Variants in TTC19 observed in about 807,000 individuals in gnomAD.
The protein encoded by TTC19 is tetratricopeptide repeat protein 19, mitochondrial.
Under a neutral mutation model 49.5 loss-of-function variants are expected in TTC19, and 38 were observed. That is an observed-to-expected ratio of 0.77 (90% CI 0.59 to 1.01). TTC19 has a LOEUF of 1.01. Ranked by LOEUF, TTC19 falls within the 50% of genes least tolerant of loss-of-function variation. The pLI is 0.00. For missense variants in TTC19, 475 were observed against 477.7 expected (o/e 0.99, Z 0.05); for synonymous variants, 204 against 185.2 (o/e 1.10, Z -0.83).
intron 7 of TTC19, among the ~76,000 whole-genome samples, chr17:16,011,433 C>A (rs1293069369): frequency 2.6e-5 from 4 of 152,110 alleles, no homozygotes; most frequent in African/African-American, 9.7e-5. Context: ...CCAGCCTCCC[C>A]AAGTGTTGGG....
At chr17:16,037,056 C>T (rs1406209866) in intron 2 of TTC19, among the ~76,000 whole-genome samples, 1 of 152,170 alleles carries the variant, frequency 6.6e-6, no homozygotes, top group Non-Finnish European at 1.5e-5. Context: ...CACTTGAACA[C>T]TTAGAAGCCA....
intron 2 of TTC19, chr17:16,039,854 G>A (rs534378079): frequency 2.7e-5 from 14 of 527,002 alleles, no homozygotes; most frequent in South Asian, 1.2e-4. Flanking sequence ...GCAGTGGCGC[G>A]ATCTTGGCTC....
chr17:16,040,882 T>A, intron 2 of TTC19: 1 of 187,726 alleles, frequency 5.3e-6, no homozygotes, highest in Non-Finnish European at 1.1e-5. Context: ...CAAAAATAAA[T>A]AAATAAATAA....
chr17:16,007,712 C>T (rs950221468), intron 7 of TTC19, among the ~76,000 whole-genome samples: 2 of 152,180 alleles, frequency 1.3e-5, no homozygotes, highest in African/African-American at 2.4e-5. Context: ...ATGTCCTGGG[C>T]AGGATGGAGT....
chr17:16,018,833 T>C (rs1971287789), intron 7 of TTC19, among the ~76,000 whole-genome samples: 1 of 152,220 alleles, frequency 6.6e-6, no homozygotes, highest in South Asian at 2.1e-4. Context: ...TTTTTAAAAT[T>C]AGATTTCAAA....
chr17:16,039,054 CCACCG>C (rs2057043899), intron 2 of TTC19, among the ~76,000 whole-genome samples: 1 of 152,324 alleles, frequency 6.6e-6, no homozygotes, highest in African/African-American at 2.4e-5. Flanking sequence ...CAGGCGTGAA[CCACCG>C]CACCCGGCTG....
chr17:16,026,322 T>C lies in TTC19; in HGVS notation c.832-218T>C, dbSNP rs116604417. On this transcript the variant is annotated intron_variant, in intron 8 of 9. Transcript: ENST00000261647. ...ACTGTCTGTTACCTAATTTCCAGATTTGTATTATTTCCCAAAAGGTCGAAC... is the reference window on the plus strand; with the variant it reads ...ACTGTCTGTTACCTAATTTCCAGATCTGTATTATTTCCCAAAAGGTCGAAC... 7.6e-3 allele frequency among the ~76,000 whole-genome samples: 1,151 copies of C among 152,290 alleles called. 15 individuals are homozygous for C. Among genetic ancestry groups the C allele is most frequent in the African/African-American group, 0.026 (1,069 of 41,544 alleles).
chr17:16,040,252 T>C (rs2057313922), intron 2 of TTC19: 2 of 685,056 alleles, frequency 2.9e-6, no homozygotes, highest in Non-Finnish European at 2.7e-6. Flanking sequence ...ATCTTTTCAA[T>C]AGGTATTTAC....
chr17:16,003,873 G>C lies in TTC19; in HGVS notation c.505G>C (p.Gly169Arg), dbSNP rs781015429. ...AGCAACAATGAGTTACCTCCTTGGA[G>C]GGGGCATGAAGCAGGTAAGGACATT... ...FKATMSYLLG[G>R]GMKQEDNAII... The change falls in exon 5 of 10, where the codon GGG becomes CGG. Residue 169 changes from glycine to arginine, a missense_variant. Transcript: ENST00000261647. The C allele has an allele frequency of 6.2e-6, 10 of 1,613,710 alleles. No homozygotes were observed. Among genetic ancestry groups the C allele is most frequent in the Middle Eastern group, 1.6e-4 (1 of 6,084 alleles).
intron 2 of TTC19, among the ~76,000 whole-genome samples, chr17:16,001,121 T>C (rs1970714358): frequency 6.6e-6 from 1 of 152,134 alleles, no homozygotes. Flanking sequence ...TTGCAATCTA[T>C]TCTCCATGCA....
At chr17:16,008,670 C>T (rs1318692361) in intron 7 of TTC19, among the ~76,000 whole-genome samples, 1 of 152,134 alleles carries the variant, frequency 6.6e-6, no homozygotes, top group African/African-American at 2.4e-5. Context: ...TCCAGTCTCA[C>T]CACACTGGTC....
intron 7 of TTC19, among the ~76,000 whole-genome samples, chr17:16,019,347 C>T (rs2151670729): frequency 6.6e-6 from 1 of 152,260 alleles, no homozygotes; most frequent in African/African-American, 2.4e-5. Flanking sequence ...AACAAAAAAA[C>T]AATATACAAT....
rs116484628 is a variant in TTC19 at position 16,035,330 on chromosome 17, C to T, written c.247+8628C>T. 5.4e-3 allele frequency among the ~76,000 whole-genome samples: 821 copies of T among 152,246 alleles called. 5 individuals are homozygous for T. Among genetic ancestry groups the T allele is most frequent in the African/African-American group, 0.019 (779 of 41,512 alleles). On this transcript the variant is annotated intron_variant, in intron 2 of 2. Transcript: ENST00000470649. ...GATCCCTCAAACCCTTCTTTATTAACTGGGTTTATGTAATGTAGTATTCTA... is the reference window on the plus strand; with the variant it reads ...GATCCCTCAAACCCTTCTTTATTAATTGGGTTTATGTAATGTAGTATTCTA...
rs1026880764 is a variant in TTC19 at position 16,028,685 on chromosome 17, G to T, written c.*1163G>T. 4.4e-6 allele frequency: 2 copies of T among 453,688 alleles called. No homozygotes were observed. The highest frequency in any genetic ancestry group is 4.0e-5 in the African/African-American group (2 of 49,920). 28.1% of individuals were successfully genotyped at this position (453,688 alleles called of 1,614,324 possible). The stretch of plus-strand genomic sequence containing the variant: ...GAAGGAAGATTGACCCTGTTGGTAT[G>T]CCTGTGGGGGTGGGATGTGAGTGGG... On this transcript the variant is annotated 3_prime_UTR_variant, in exon 10 of 10. Coordinates refer to ENST00000261647, the MANE Select transcript of TTC19 (RefSeq NM_017775.4).
chr17:16,032,664 T>C (rs1001159748), downstream of TTC19, among the ~76,000 whole-genome samples: 2 of 152,188 alleles, frequency 1.3e-5, no homozygotes, highest in Non-Finnish European at 2.9e-5. Flanking sequence ...GCCAATGATA[T>C]ATAGCAGTCA....
At chr17:16,040,114 A>G in intron 2 of TTC19, 1 of 500,488 alleles carries the variant, frequency 2.0e-6, no homozygotes, top group South Asian at 1.5e-5. Context: ...ATCCACAGAT[A>G]ACTCCTTAAG....
At chr17:16,005,897 T>C (rs980421837) in intron 6 of TTC19, among the ~76,000 whole-genome samples, 1 of 152,200 alleles carries the variant, frequency 6.6e-6, no homozygotes, top group African/African-American at 2.4e-5. Context: ...TGGGAGATGA[T>C]GAATACTGCT....
chr17:16,021,810 A>T (rs999489419), intron 7 of TTC19, among the ~76,000 whole-genome samples: 1 of 152,166 alleles, frequency 6.6e-6, no homozygotes, highest in Non-Finnish European at 1.5e-5. Context: ...ATGAATTGTC[A>T]TGTTTACTAA....
intron 2 of TTC19, among the ~76,000 whole-genome samples, chr17:16,036,502 G>A (rs573101282): frequency 6.6e-6 from 1 of 152,344 alleles, no homozygotes; most frequent in East Asian, 1.9e-4. Flanking sequence ...GACTCTTCCA[G>A]TAGAAGGCTG....
Sources: allele counts gnomAD v4.1 joint callset (sites outside exome capture counted in the v4.1 genomes callset), GRCh38; gene constraint gnomAD v4.1.1; transcripts MANE v1.5; gene names NCBI Gene and HGNC (gene_info 2026-07-23, HGNC 2026-07-21).